FHL2: variants seen among roughly 807,000 people sequenced by gnomAD.
The protein encoded by FHL2 is four and a half LIM domains 2, also known as four and a half LIM domains protein 2.
FHL2 carries 20 observed loss-of-function variants against 32.7 expected under a neutral mutation model. The observed-to-expected ratio is 0.61, with a 90% CI of 0.43 to 0.89. The LOEUF is 0.89. Among genes scored for constraint, FHL2 ranks in the 40% least tolerant of loss-of-function variants. The pLI is 0.00. For missense variants in FHL2, 311 were observed against 358.6 expected, an observed-to-expected ratio of 0.87 and a Z score of 1.07; for synonymous variants, 123 against 128.1, an observed-to-expected ratio of 0.96 and a Z score of 0.27.
At chr2:105,400,859 G>C (rs1683441258), upstream of FHL2, among the ~76,000 whole-genome samples, 1 of 151,736 alleles carries the variant, frequency 6.6e-6, no homozygotes, top group Admixed American at 6.6e-5. Context: ...ATTTAATTTT[G>C]TGTTTAATTT....
chr2:105,377,297 T>C (rs543020318), intron 3 of FHL2, among the ~76,000 whole-genome samples: 1 of 152,292 alleles, frequency 6.6e-6, no homozygotes, highest in Admixed American at 6.5e-5. Context: ...AGAAGGTAAG[T>C]GTGATGTTCT....
intron 3 of FHL2, chr2:105,378,521 C>T (rs1681645443): frequency 5.4e-6 from 1 of 184,338 alleles, no homozygotes; most frequent in Admixed American, 5.8e-5. Flanking sequence ...CTCCCCATCC[C>T]ATTCGGGTTG....
chr2:105,375,652 C>T (rs923658018), intron 3 of FHL2: 1 of 152,204 alleles, frequency 6.6e-6, no homozygotes, highest in African/African-American at 2.4e-5. Context: ...AGAGTGCTCT[C>T]AAAGCTGGAC....
Position 105,361,363 on chromosome 2 carries a change from A to G in FHL2, c.760T>C (p.Cys254Arg), listed in dbSNP as rs750884671. The G allele has an allele frequency of 1.2e-6, 2 of 1,614,060 alleles. No homozygotes were observed. The highest frequency in any genetic ancestry group is 8.5e-7 in the Non-Finnish European group (1 of 1,179,980). The change falls in exon 7 of 7, where the codon TGC becomes CGC. Residue 254 changes from cysteine to arginine, a missense_variant. Cys to Arg is a radical substitution (Grantham distance 180). Transcript: ENST00000530340. ...CCACGCCCCACCAGTGAGAGGGAGC[A>G]CTTCTTACAGTTAAAGCAGTCGTTA... is the stretch of plus-strand genomic sequence containing the variant. ...WHNDCFNCKK[C>R]SLSLVGRGFL...
intron 1 of FHL2, among the ~76,000 whole-genome samples, chr2:105,432,830 C>T (rs1281632389): frequency 6.6e-6 from 1 of 152,128 alleles, no homozygotes; most frequent in African/African-American, 2.4e-5. Context: ...CAAAAAATTC[C>T]ATGTAAAAAA....
At chr2:105,407,493 G>A (rs921032619) in intron 1 of FHL2, among the ~76,000 whole-genome samples, 7 of 151,446 alleles carry the variant, frequency 4.6e-5, no homozygotes, top group Admixed American at 3.9e-4. Flanking sequence ...AACACATCAA[G>A]CCCATTTCCC....
intron 6 of FHL2, among the ~76,000 whole-genome samples, chr2:105,361,646 A>G (rs1347120225): frequency 1.3e-5 from 2 of 152,174 alleles, no homozygotes; most frequent in African/African-American, 4.8e-5. Context: ...AGATATATAA[A>G]CTGGTTCCAA....
upstream of FHL2, chr2:105,399,136 C>G: frequency 7.2e-7 from 1 of 1,384,182 alleles, no homozygotes; most frequent in Non-Finnish European, 9.3e-7. Flanking sequence ...CTCGCTGGCA[C>G]CGGGCGTGGG....
upstream of FHL2, chr2:105,399,056 C>T: frequency 1.3e-6 from 2 of 1,495,534 alleles, no homozygotes; most frequent in South Asian, 1.3e-5. Context: ...CCGAGTGGAG[C>T]GCTGCGCAGC....
At chr2:105,432,153 A>G (rs1026943622) in intron 1 of FHL2, among the ~76,000 whole-genome samples, 1 of 152,196 alleles carries the variant, frequency 6.6e-6, no homozygotes, top group African/African-American at 2.4e-5. Context: ...TAGACATGAA[A>G]TTGTGGGTGT....
At chr2:105,385,400 G>A (rs1269803121) in intron 3 of FHL2, among the ~76,000 whole-genome samples, 6 of 152,198 alleles carry the variant, frequency 3.9e-5, no homozygotes, top group Non-Finnish European at 8.8e-5. Context: ...AAGTCAATCA[G>A]TCAGCGGCAA....
intron 3 of FHL2, chr2:105,378,041 C>A (rs13386004): frequency 0.093 from 43,847 of 470,242 alleles, 3,600 homozygotes; most frequent in African/African-American, 0.31. Context: ...AACAGGAAAG[C>A]AAAGCCACTA....
intron 1 of FHL2, among the ~76,000 whole-genome samples, chr2:105,414,052 T>C (rs1452003192): frequency 6.6e-6 from 1 of 152,192 alleles, no homozygotes; most frequent in Admixed American, 6.5e-5. Context: ...AGGCTATTAG[T>C]TGGGGAGGGG....
chr2:105,368,788 A>T (rs1390263715), intron 4 of FHL2, among the ~76,000 whole-genome samples: 1 of 152,234 alleles, frequency 6.6e-6, no homozygotes, highest in East Asian at 1.9e-4. Context: ...AGTACCCTTC[A>T]TATAAAGCAA....
At chr2:105,418,401 T>C (rs932654090) in intron 1 of FHL2, among the ~76,000 whole-genome samples, 4 of 151,006 alleles carry the variant, frequency 2.6e-5, no homozygotes, top group Non-Finnish European at 5.9e-5. Context: ...AAAATAAGCC[T>C]CAGAGACCCA....
intron 2 of FHL2, among the ~76,000 whole-genome samples, chr2:105,392,977 A>G (rs1047488198): frequency 6.7e-6 from 1 of 149,152 alleles, no homozygotes; most frequent in East Asian, 1.9e-4. Context: ...GCATCACCGC[A>G]CCCAGCTAAT....
At chr2:105,416,736 T>C (rs182066727) in intron 1 of FHL2, among the ~76,000 whole-genome samples, 45 of 152,334 alleles carry the variant, frequency 3.0e-4, no homozygotes, top group Admixed American at 2.7e-3. Flanking sequence ...GATATCACCA[T>C]CCATCTAATC....
chr2:105,390,478 T>C (rs115295859), intron 2 of FHL2, among the ~76,000 whole-genome samples: 2 of 152,334 alleles, frequency 1.3e-5, no homozygotes, highest in African/African-American at 4.8e-5. Context: ...GAATTCTTTC[T>C]GAGAGTGGTG....
Position 105,386,540 on chromosome 2 carries a change from C to T in FHL2, c.-24G>A, listed in dbSNP as rs778640069. ...ATTTTGACTCCTGGCTTTTCAGCAA[C>T]CTATCAAAAAGAAAAGAAAATCCAA... On this transcript the variant is annotated splice_region_variant and 5_prime_UTR_variant, in exon 3 of 7. Coordinates refer to ENST00000530340, the MANE Select transcript of FHL2 (RefSeq NM_001318895.3). 2.5e-6 allele frequency: 4 copies of T among 1,613,618 alleles called. No homozygotes were observed. Among genetic ancestry groups the T allele is most frequent in the South Asian group, 2.2e-5 (2 of 91,072 alleles).
Sources: allele counts gnomAD v4.1 joint callset (sites outside exome capture counted in the v4.1 genomes callset), GRCh38; gene constraint gnomAD v4.1.1; transcripts MANE v1.5; gene names NCBI Gene and HGNC (gene_info 2026-07-23, HGNC 2026-07-21).